Variants in CRYBG1 observed in about 807,000 individuals in gnomAD.
CRYBG1 encodes beta/gamma crystallin domain-containing protein 1.
Under a neutral mutation model 189.2 loss-of-function variants are expected in CRYBG1, and 139 were observed. That is an observed-to-expected ratio of 0.73 (90% CI 0.64 to 0.85). CRYBG1 has a LOEUF of 0.85. Ranked by LOEUF, CRYBG1 falls within the 40% of genes least tolerant of loss-of-function variation. The probability of loss-of-function intolerance (pLI) is 0.00; values close to 1 mark genes in which losing one functional copy is unlikely to be tolerated. For missense variants in CRYBG1, 2,611 were observed against 2,675.8 expected (o/e 0.98, Z 0.53); for synonymous variants, 1,023 against 1,017.1 (o/e 1.01, Z -0.11).
At chr6:106,543,825 G>A (rs1439910584) in intron 11 of CRYBG1, among the ~76,000 whole-genome samples, 2 of 152,202 alleles carry the variant, frequency 1.3e-5, no homozygotes, top group Non-Finnish European at 2.9e-5. Context: ...GCCAAGGCGG[G>A]CGGATCACCT....
chr6:106,456,986 C>G (rs1771901145), intron 2 of CRYBG1, among the ~76,000 whole-genome samples: 1 of 152,156 alleles, frequency 6.6e-6, no homozygotes, highest in African/African-American at 2.4e-5. Context: ...TCTCACCAAG[C>G]ACAGTTCTCA....
chr6:106,391,968 T>C (rs75354751), intron 1 of CRYBG1, among the ~76,000 whole-genome samples: 11,656 of 59,422 alleles, frequency 0.2, 635 homozygotes, highest in Admixed American at 0.25. Flanking sequence ...TGTGTGTGTG[T>C]GTGCGTGCGC....
At chr6:106,510,669 G>A (rs1773235794) in intron 2 of CRYBG1, among the ~76,000 whole-genome samples, 1 of 152,192 alleles carries the variant, frequency 6.6e-6, no homozygotes, top group African/African-American at 2.4e-5. Flanking sequence ...TCTAGGGGGC[G>A]GTGAGCAAAG....
intron 1 of CRYBG1, among the ~76,000 whole-genome samples, chr6:106,394,121 T>C (rs1007900485): frequency 5.3e-5 from 8 of 152,248 alleles, no homozygotes; most frequent in African/African-American, 1.9e-4. Flanking sequence ...TTAAAGTTTA[T>C]CTAGGCTGCA....
At position 106,519,376 on chromosome 6, in the gene CRYBG1, C is replaced by T; in HGVS notation, c.2168C>T (p.Ala723Val). 6.2e-7 allele frequency: 1 copy of T among 1,614,036 alleles called. No individual in the cohort carries two copies. Among genetic ancestry groups the T allele is most frequent in the Non-Finnish European group, 8.5e-7 (1 of 1,180,016 alleles). The change falls in exon 4 of 22, where the codon GCC becomes GTC. Residue 723 changes from alanine to valine, a missense_variant. This residue lies in a region of CRYBG1 where 1,622 missense variants were observed against 1,735.0 expected (regional missense o/e 0.93). Coordinates refer to ENST00000633556, the MANE Select transcript of CRYBG1 (RefSeq NM_001371242.2). The stretch of plus-strand genomic sequence containing the variant: ...GCAAAGCTGAATTTAGCCAAAAAAG[C>T]CAAAGAAATGGAGCAACCTGAAAAG... The part of the protein sequence containing the change: ...GRAKLNLAKK[A>V]KEMEQPEKKV...
intron 2 of CRYBG1, among the ~76,000 whole-genome samples, chr6:106,510,088 TC>T (rs1020872627): frequency 6.6e-6 from 1 of 152,206 alleles, no homozygotes; most frequent in African/African-American, 2.4e-5. Flanking sequence ...TCCTGAATGT[TC>T]CTTTTCCAGG....
intron 1 of CRYBG1, among the ~76,000 whole-genome samples, chr6:106,406,171 G>A (rs1770818572): frequency 6.6e-6 from 1 of 152,134 alleles, no homozygotes; most frequent in Admixed American, 6.5e-5. Flanking sequence ...AACCAGTTAA[G>A]AGAAGAACAT....
chr6:106,560,689 T>C (rs1428819545), intron 18 of CRYBG1, 114 bp from the exon 19 acceptor site: 5 of 1,212,156 alleles, frequency 4.1e-6, no homozygotes, highest in Non-Finnish European at 5.5e-6. Flanking sequence ...TCCCCCAATG[T>C]ATGTTAAAAG....
intron 6 of CRYBG1, among the ~76,000 whole-genome samples, chr6:106,526,229 C>G (rs1238157044): frequency 1.3e-5 from 2 of 152,074 alleles, no homozygotes; most frequent in Admixed American, 1.3e-4. Context: ...AGCAGCTTTC[C>G]TATTAGATTT....
chr6:106,405,454 C>A (rs1417448641), intron 1 of CRYBG1, among the ~76,000 whole-genome samples: 2 of 152,230 alleles, frequency 1.3e-5, no homozygotes, highest in African/African-American at 4.8e-5. Flanking sequence ...GCTGTGGGCG[C>A]AGCTTCAGCA....
intron 2 of CRYBG1, among the ~76,000 whole-genome samples, chr6:106,486,606 G>A (rs2114487460): frequency 6.6e-6 from 1 of 152,154 alleles, no homozygotes; most frequent in African/African-American, 2.4e-5. Flanking sequence ...ATTTGCTCTG[G>A]TATTGGATAT....
At chr6:106,448,245 G>T (rs534064874) in intron 1 of CRYBG1, among the ~76,000 whole-genome samples, 1 of 152,160 alleles carries the variant, frequency 6.6e-6, no homozygotes, top group Non-Finnish European at 1.5e-5. Context: ...TCTGGATCTG[G>T]GTCACGAGGA....
chr6:106,559,225 C>G (rs904691642), intron 18 of CRYBG1, among the ~76,000 whole-genome samples: 1 of 152,088 alleles, frequency 6.6e-6, no homozygotes, highest in Non-Finnish European at 1.5e-5. Flanking sequence ...TAAAAAAGAG[C>G]AAGTCCTCTG....
At chr6:106,401,666 T>C (rs1770723972) in intron 1 of CRYBG1, among the ~76,000 whole-genome samples, 1 of 118,560 alleles carries the variant, frequency 8.4e-6, no homozygotes, top group Non-Finnish European at 1.7e-5. Context: ...GTTTGGTTTT[T>C]TGTTCTTGCG....
intron 4 of CRYBG1, among the ~76,000 whole-genome samples, chr6:106,524,494 C>T (rs1773688170): frequency 6.6e-6 from 1 of 152,042 alleles, no homozygotes; most frequent in African/African-American, 2.4e-5. Flanking sequence ...TGAACCCAGG[C>T]GGAGGTTGCA....
rs1369473499 is a variant in CRYBG1 at position 106,420,304 on chromosome 6, G to A, written c.174-31390G>A. On this transcript the variant is annotated intron_variant, in intron 1 of 21. Coordinates refer to ENST00000633556, the MANE Select transcript of CRYBG1 (RefSeq NM_001371242.2). The stretch of plus-strand genomic sequence containing the variant: ...AGCAATCTGGAGGGAAAAAAAGAGA[G>A]GGTCATAAGGCAGATGGCTACGTTC... Among the ~76,000 whole-genome samples the A allele has an allele frequency of 2.0e-5, 3 of 152,286 alleles. No individual in the cohort carries two copies. In the East Asian group the frequency reaches 5.8e-4, roughly 29 times the overall value.
At chr6:106,417,118 C>G (rs1292294902) in intron 1 of CRYBG1, among the ~76,000 whole-genome samples, 2 of 151,182 alleles carry the variant, frequency 1.3e-5, no homozygotes, top group East Asian at 3.9e-4. Context: ...CCTCCTGCCT[C>G]AGCCTCCTGA....
chr6:106,427,718 A>G (rs1424439086), intron 1 of CRYBG1, among the ~76,000 whole-genome samples: 1 of 152,082 alleles, frequency 6.6e-6, no homozygotes, highest in Non-Finnish European at 1.5e-5. Flanking sequence ...GGGATTCTTG[A>G]AAAACCTAAA....
At chr6:106,538,730 A>C (rs1774059812) in intron 8 of CRYBG1, among the ~76,000 whole-genome samples, 1 of 149,890 alleles carries the variant, frequency 6.7e-6, no homozygotes, top group Non-Finnish European at 1.5e-5. Context: ...CCCTCTACTA[A>C]AAAAAAAATG....
Sources: allele counts gnomAD v4.1 joint callset (sites outside exome capture counted in the v4.1 genomes callset), GRCh38; gene constraint gnomAD v4.1.1; regional missense constraint gnomAD v4.1.1; transcripts MANE v1.5; gene names NCBI Gene and HGNC (gene_info 2026-07-23, HGNC 2026-07-21).